PDE4D: variants seen among roughly 807,000 people sequenced by gnomAD.
PDE4D encodes 3',5'-cyclic-AMP phosphodiesterase 4D.
PDE4D carries 24 observed loss-of-function variants against 87.4 expected under a neutral mutation model. That is an observed-to-expected ratio of 0.27 (90% CI 0.20 to 0.39). PDE4D has a LOEUF of 0.39. Among genes scored for constraint, PDE4D ranks in the 10% least tolerant of loss-of-function variants. PDE4D has a pLI of 1.00. For missense variants in PDE4D, 714 were observed against 1,041.0 expected, an observed-to-expected ratio of 0.69 and a Z score of 4.32; for synonymous variants, 384 against 383.2, an observed-to-expected ratio of 1.00 and a Z score of -0.02.
chr5:59,553,426 C>G (rs1184038370), intron 1 of PDE4D, among the ~76,000 whole-genome samples: 1 of 152,168 alleles, frequency 6.6e-6, no homozygotes, highest in East Asian at 1.9e-4. Context: ...TCCCTAATCA[C>G]CCGCAAGTAA....
intron 2 of PDE4D, among the ~76,000 whole-genome samples, chr5:60,062,301 T>C (rs1288856628): frequency 6.6e-6 from 1 of 151,548 alleles, no homozygotes; most frequent in Admixed American, 6.6e-5. Context: ...GCAACAAACA[T>C]ATGAAAAAAA....
chr5:60,168,607 C>A (rs1265462844), intron 2 of PDE4D, among the ~76,000 whole-genome samples: 1 of 152,122 alleles, frequency 6.6e-6, no homozygotes, highest in Non-Finnish European at 1.5e-5. Context: ...TGCTCATGTC[C>A]CTGATACAAA....
intron 6 of PDE4D, among the ~76,000 whole-genome samples, chr5:58,996,617 A>C (rs1304598158): frequency 6.6e-6 from 1 of 152,196 alleles, no homozygotes; most frequent in Non-Finnish European, 1.5e-5. Context: ...ATTGATAAAG[A>C]TAGATAGAGA....
At chr5:60,349,488 T>G (rs182759776) in intron 1 of PDE4D, among the ~76,000 whole-genome samples, 3 of 152,180 alleles carry the variant, frequency 2.0e-5, no homozygotes, top group African/African-American at 7.2e-5. Context: ...AATTTAAAGA[T>G]CGAATCATGC....
intron 6 of PDE4D, among the ~76,000 whole-genome samples, chr5:59,008,318 C>T (rs1005147318): frequency 2.0e-5 from 3 of 151,928 alleles, no homozygotes; most frequent in East Asian, 1.9e-4. Context: ...CTCTGTACTT[C>T]GTGGTATGCT....
chr5:59,031,173 G>C (rs1346635237), intron 6 of PDE4D, among the ~76,000 whole-genome samples: 1 of 151,766 alleles, frequency 6.6e-6, no homozygotes, highest in Non-Finnish European at 1.5e-5. Flanking sequence ...TAGTATGAAG[G>C]TTCCTCAAAA....
At chr5:60,069,329 G>C (rs1383838147) in intron 2 of PDE4D, among the ~76,000 whole-genome samples, 2 of 152,158 alleles carry the variant, frequency 1.3e-5, no homozygotes, top group Non-Finnish European at 2.9e-5. Context: ...TTTCCACCAT[G>C]TGAGACACAG....
chr5:60,322,461 T>A (rs1399022553), intron 1 of PDE4D, among the ~76,000 whole-genome samples: 1 of 151,720 alleles, frequency 6.6e-6, no homozygotes, highest in African/African-American at 2.4e-5. Flanking sequence ...TTCACACCTT[T>A]ACCTCTCTTT....
intron 1 of PDE4D, among the ~76,000 whole-genome samples, chr5:59,409,513 G>A (rs902041837): frequency 1.3e-5 from 2 of 152,104 alleles, no homozygotes; most frequent in African/African-American, 4.8e-5. Flanking sequence ...ATCCCTTATG[G>A]CTTGGTGAGT....
chr5:59,108,418 C>A (rs775208105), intron 5 of PDE4D, among the ~76,000 whole-genome samples: 31 of 152,040 alleles, frequency 2.0e-4, no homozygotes, highest in Non-Finnish European at 4.0e-4. Context: ...TTAACAGTAG[C>A]ACTTTAGATG....
In PDE4D at chr5:59,785,497, A is replaced by G. The variant is rs541077833; in HGVS notation, c.455+107671T>C. Among the ~76,000 whole-genome samples the G allele has an allele frequency of 6.6e-4, 101 of 152,348 alleles. 2 individuals carry two copies. In the South Asian group the frequency reaches 0.02, roughly 31 times the overall value. ...ATCACTGACCTCTCCTACTACTCAG[A>G]AAGGAATCTGACCCATTATGTAACA... On this transcript the variant is annotated intron_variant, in intron 1 of 14. Coordinates refer to ENST00000340635, the MANE Select transcript of PDE4D (RefSeq NM_001104631.2).
chr5:60,496,670 C>T (rs1374585296), intron 1 of PDE4D, among the ~76,000 whole-genome samples: 1 of 152,192 alleles, frequency 6.6e-6, no homozygotes, highest in East Asian at 1.9e-4. Flanking sequence ...ATTCTCACAA[C>T]AACCTCTAAG....
chr5:59,009,172 T>C (rs1752260108), intron 6 of PDE4D, among the ~76,000 whole-genome samples: 1 of 152,150 alleles, frequency 6.6e-6, no homozygotes, highest in Admixed American at 6.5e-5. Flanking sequence ...TGACAGTTTC[T>C]TATAAAGTTA....
intron 1 of PDE4D, among the ~76,000 whole-genome samples, chr5:59,734,926 G>C (rs1191012905): frequency 2.6e-5 from 4 of 152,126 alleles, no homozygotes; most frequent in Non-Finnish European, 4.4e-5. Flanking sequence ...ATACCATGAT[G>C]TGCTCATGAA....
At chr5:59,908,964 G>A (rs955801066) in intron 3 of PDE4D, among the ~76,000 whole-genome samples, 2 of 152,020 alleles carry the variant, frequency 1.3e-5, no homozygotes, top group Admixed American at 1.3e-4. Context: ...TTTCAACTTG[G>A]TTTACATTTG....
At chr5:59,373,151 T>A (rs1387520256) in intron 1 of PDE4D, among the ~76,000 whole-genome samples, 2 of 152,128 alleles carry the variant, frequency 1.3e-5, no homozygotes, top group Admixed American at 1.3e-4. Context: ...CCGTGTCCCT[T>A]CTAAAGCAAG....
intron 1 of PDE4D, among the ~76,000 whole-genome samples, chr5:60,202,911 G>A (rs1742088320): frequency 6.6e-6 from 1 of 152,070 alleles, no homozygotes; most frequent in Non-Finnish European, 1.5e-5. Context: ...GAATCAGTAT[G>A]AAAAAAAGAC....
chr5:59,965,973 A>C (rs1759998353), intron 3 of PDE4D, among the ~76,000 whole-genome samples: 1 of 152,124 alleles, frequency 6.6e-6, no homozygotes, highest in South Asian at 2.1e-4. Context: ...CTCATCTTCT[A>C]AACAGGAGCA....
At chr5:59,728,125 T>C (rs1286950330) in intron 1 of PDE4D, among the ~76,000 whole-genome samples, 3 of 152,094 alleles carry the variant, frequency 2.0e-5, no homozygotes, top group Non-Finnish European at 4.4e-5. Context: ...TTATCCCCAT[T>C]TGATAGATGA....
Sources: allele counts gnomAD v4.1 joint callset (sites outside exome capture counted in the v4.1 genomes callset), GRCh38; gene constraint gnomAD v4.1.1; transcripts MANE v1.5; gene names NCBI Gene and HGNC (gene_info 2026-07-23, HGNC 2026-07-21).